AQR: variants seen among roughly 807,000 people sequenced by gnomAD.
AQR encodes the protein aquarius intron-binding spliceosomal factor, also known as RNA helicase aquarius.
AQR carries 61 observed loss-of-function variants against 180.5 expected under a neutral mutation model. The observed-to-expected ratio is 0.34, with a 90% CI of 0.28 to 0.42. AQR has a LOEUF of 0.42. Among genes scored for constraint, AQR ranks in the 10% least tolerant of loss-of-function variants. AQR has a pLI of 1.00. For missense variants in AQR, 1,281 were observed against 1,798.3 expected (o/e 0.71, Z 5.20); for synonymous variants, 551 against 588.8 (o/e 0.94, Z 0.93).
chr15:34,901,829 G>A (rs897656049), intron 19 of AQR, among the ~76,000 whole-genome samples: 2 of 152,132 alleles, frequency 1.3e-5, no homozygotes. Flanking sequence ...TCCCACAAGA[G>A]TAGGGATCTA....
Position 34,948,249 on chromosome 15 carries a change from C to A in AQR, c.330+15G>T, listed in dbSNP as rs115120638. ...GGGTCAGTATGAAAGCTATGAAGTA[C>A]TTTAAATCAGTTACCTCCCATGCAG... On this transcript the variant is annotated intron_variant, in intron 5 of 34. Transcript: ENST00000156471. 5.1e-3 allele frequency: 8,147 copies of A among 1,612,630 alleles called. 153 individuals carry two copies. The African/African-American group carries it at 0.06, about 12-fold the overall frequency.
At chr15:34,893,083 T>C (rs968713594) in intron 23 of AQR, among the ~76,000 whole-genome samples, 4 of 152,210 alleles carry the variant, frequency 2.6e-5, no homozygotes, top group Non-Finnish European at 5.9e-5. Context: ...TCCTTCCTTA[T>C]GTTAGGAACA....
chr15:34,901,005 G>A (rs1893324570), intron 19 of AQR, 142 bp from the exon 20 acceptor site: 1 of 1,093,612 alleles, frequency 9.1e-7, no homozygotes, highest in Non-Finnish European at 1.3e-6. Flanking sequence ...GCTGACAGGT[G>A]CTTGGCTAGA....
rs2050310737 is a variant in AQR at position 34,966,616 on chromosome 15, T to A, written c.76-2326A>T. Among the ~76,000 whole-genome samples the A allele has an allele frequency of 3.3e-5, 5 of 152,220 alleles. No individual in the cohort carries two copies. The South Asian group carries it at 8.3e-4, about 25-fold the overall frequency. Reference sequence around the variant, plus strand: ...GTGTTAGATTGTGAGAACATGTCTGTTTTATTCCCCATGTACTCCCAGCAC... The same window carrying A: ...GTGTTAGATTGTGAGAACATGTCTGATTTATTCCCCATGTACTCCCAGCAC... On this transcript the variant is annotated intron_variant, in intron 1 of 34. Coordinates refer to ENST00000156471, the MANE Select transcript of AQR (RefSeq NM_014691.3).
intron 20 of AQR, among the ~76,000 whole-genome samples, chr15:34,899,898 T>C (rs1394575111): frequency 6.6e-6 from 1 of 152,102 alleles, no homozygotes; most frequent in Non-Finnish European, 1.5e-5. Flanking sequence ...ATTGTATTTA[T>C]TTTATTTATT....
At chr15:34,916,802 A>G (rs1377224609) in intron 15 of AQR, among the ~76,000 whole-genome samples, 1 of 151,556 alleles carries the variant, frequency 6.6e-6, no homozygotes, top group Non-Finnish European at 1.5e-5. Flanking sequence ...ACATGCTGCA[A>G]TATACCATGA....
At chr15:34,919,883 G>A (rs937398503) in intron 14 of AQR, among the ~76,000 whole-genome samples, 1 of 151,884 alleles carries the variant, frequency 6.6e-6, no homozygotes, top group Non-Finnish European at 1.5e-5. Context: ...GGGCGACAGA[G>A]AGAGACTCGG....
At chr15:34,954,137 G>A (rs1321958209) in intron 3 of AQR, among the ~76,000 whole-genome samples, 2 of 152,002 alleles carry the variant, frequency 1.3e-5, no homozygotes, top group African/African-American at 2.4e-5. Flanking sequence ...GGTTGGTCTC[G>A]AACTCCTGAG....
chr15:34,861,186 T>C (rs2140457265), intron 33 of AQR, among the ~76,000 whole-genome samples: 1 of 152,314 alleles, frequency 6.6e-6, no homozygotes, highest in South Asian at 2.1e-4. Flanking sequence ...AGAAATAATT[T>C]AGTAAATTAA....
rs1893664965 is a variant in AQR at position 34,920,364 on chromosome 15, T to G, written c.1189A>C (p.Thr397Pro). The stretch of plus-strand genomic sequence containing the variant: ...TCTAGAAGAAATTCTTTATCAAAAG[T>G]TGTGTCTTCATTTTTAGGAAGAGTT... The part of the protein sequence containing the change: ...LPTLPKNEDT[T>P]FDKEFLLELL... Residue 397 changes from threonine to proline, a missense_variant, in exon 14 of 35, where the codon ACT (threonine) becomes CCT (proline). By Grantham distance (38) the Thr-to-Pro change is conservative. Coordinates refer to ENST00000156471, the MANE Select transcript of AQR (RefSeq NM_014691.3). 4 of 1,612,994 alleles carry G rather than the reference T, an allele frequency of 2.5e-6. No individual in the cohort carries two copies. Among genetic ancestry groups the G allele is most frequent in the Non-Finnish European group, 3.4e-6 (4 of 1,179,468 alleles).
Position 34,873,906 on chromosome 15 carries a change from T to C in AQR, c.3519A>G (p.Leu1173=), listed in dbSNP as rs1279207899. The C allele has an allele frequency of 4.3e-6, 7 of 1,612,124 alleles. No individual in the cohort carries two copies. Among genetic ancestry groups the C allele is most frequent in the Non-Finnish European group, 5.9e-6 (7 of 1,178,920 alleles). Residue 1173 remains leucine (L), a synonymous_variant, in exon 30 of 35, where the codon TTA becomes TTG. Coordinates refer to ENST00000156471, the MANE Select transcript of AQR (RefSeq NM_014691.3). ...CATTAATGAGCTGGAAGTCATACAG[T>C]AAGCCAGCATTTGCTGTACTAAACT... ...LPEFSTANAG[L]LYDFQLINVE...
intron 13 of AQR, among the ~76,000 whole-genome samples, chr15:34,925,799 C>G (rs1272555358): frequency 6.6e-6 from 1 of 151,474 alleles, no homozygotes; most frequent in Non-Finnish European, 1.5e-5. Context: ...CACCACTGCA[C>G]TCCAGCCTGG....
intron 2 of AQR, among the ~76,000 whole-genome samples, chr15:34,963,730 C>T (rs1320961898): frequency 6.7e-6 from 1 of 149,476 alleles, no homozygotes. Flanking sequence ...GTGGTGCGAT[C>T]TCGACTCACT....
In AQR at chr15:34,915,021, G is replaced by A. The variant is rs751160466; in HGVS notation, c.1484+17C>T. The A allele has an allele frequency of 1.6e-5, 25 of 1,590,622 alleles. No individual in the cohort carries two copies. The highest frequency in any genetic ancestry group is 2.0e-5 in the Non-Finnish European group (24 of 1,172,632). On this transcript the variant is annotated intron_variant, in intron 16 of 34. Coordinates refer to ENST00000156471, the MANE Select transcript of AQR (RefSeq NM_014691.3). ...CTGTTTGCATCTCTTCATTACAGGT[G>A]GAACCAATTTACTAACCATGGCTTC...
At chr15:34,930,499 T>A in intron 11 of AQR, 128 bp from the exon 12 acceptor site, 2 of 557,466 alleles carry the variant, frequency 3.6e-6, no homozygotes, top group Non-Finnish European at 6.4e-6. Flanking sequence ...AATGTAAACA[T>A]TACAAAAAAG....
intron 23 of AQR, among the ~76,000 whole-genome samples, chr15:34,893,005 T>C (rs979528825): frequency 2.6e-5 from 4 of 152,172 alleles, no homozygotes; most frequent in South Asian, 2.1e-4. Context: ...TATTTTGTGG[T>C]ACCTATGATC....
rs566139070 is a variant in AQR, at chr15:34,862,854, AAAG to A, written c.4029+10_4029+12del. 133 of 1,612,556 alleles carry A rather than the reference AAAG, an allele frequency of 8.2e-5. 1 individual carries two copies. In the South Asian group the frequency reaches 1.4e-3, roughly 16 times the overall value. On this transcript the variant is annotated intron_variant, in intron 33 of 34. Coordinates refer to ENST00000156471, the MANE Select transcript of AQR (RefSeq NM_014691.3). ...AGGAATGCTGTTTTATAAAATGAAG[AAAG>A]AAGTCCTACCTTTCTAGTAGTTGGG...
Position 34,860,069 on chromosome 15 carries a change from C to T in AQR, c.4116G>A (p.Leu1372=). 6.7e-7 allele frequency: 1 copy of T among 1,482,142 alleles called. No homozygotes were observed. Among genetic ancestry groups the T allele is most frequent in the South Asian group, 1.5e-5 (1 of 68,464 alleles). 91.8% of individuals were successfully genotyped at this position (1,482,142 alleles called of 1,614,324 possible). A position where few individuals can be genotyped will look rare whatever the true frequency, so the allele number is the denominator to read the frequency against. ...ANFVYNMYMH[L]IQTTHHYHQT... is the part of the protein sequence containing the mutation. ...GATGATAATGATGTGTAGTCTGTAT[C>T]AAATGCATGTACATGTTGTATACAA... The change falls in exon 34 of 35, where the codon TTG becomes TTA. Residue 1372 remains leucine (L), a synonymous_variant. Transcript: ENST00000156471.
chr15:34,940,783 T>C (rs1164395771), intron 8 of AQR, 116 bp downstream of exon 8: 1 of 765,334 alleles, frequency 1.3e-6, no homozygotes, highest in Non-Finnish European at 2.2e-6. Context: ...GCACTTATTA[T>C]AATAATTTAT....
Sources: allele counts gnomAD v4.1 joint callset (sites outside exome capture counted in the v4.1 genomes callset), GRCh38; gene constraint gnomAD v4.1.1; transcripts MANE v1.5; gene names NCBI Gene and HGNC (gene_info 2026-07-23, HGNC 2026-07-21).